ATP8A2: variants seen among roughly 807,000 people sequenced by gnomAD.
The protein encoded by ATP8A2 is ATPase phospholipid transporting 8A2, also known as phospholipid-transporting ATPase IB.
A neutral mutation model predicts 165.6 loss-of-function variants in ATP8A2; 100 were observed. The observed-to-expected ratio is 0.60, with a 90% CI of 0.51 to 0.71. The LOEUF (loss-of-function observed/expected upper bound fraction) is 0.71, where lower values mean the gene tolerates loss of function less well. Ranked by LOEUF, ATP8A2 falls within the 30% of genes least tolerant of loss-of-function variation. The pLI is 0.00. For synonymous variants in ATP8A2, 543 were observed against 548.8 expected, an observed-to-expected ratio of 0.99 and a Z score of 0.15; for missense variants, 1,227 against 1,479.5, an observed-to-expected ratio of 0.83 and a Z score of 2.80.
chr13:25,898,453 AG>A (rs1403692467), intron 33 of ATP8A2, among the ~76,000 whole-genome samples: 4 of 152,194 alleles, frequency 2.6e-5, no homozygotes, highest in Non-Finnish European at 5.9e-5. Context: ...GGTGCCTCCA[AG>A]TTAGGCTACT....
intron 2 of ATP8A2, among the ~76,000 whole-genome samples, chr13:25,506,648 C>T (rs1176912760): frequency 1.3e-5 from 2 of 152,184 alleles, no homozygotes; most frequent in African/African-American, 4.8e-5. Flanking sequence ...TCTGTTTCTC[C>T]TCGTGTGGAA....
At chr13:25,891,206 T>C (rs1270640630) in intron 33 of ATP8A2, among the ~76,000 whole-genome samples, 1 of 152,218 alleles carries the variant, frequency 6.6e-6, no homozygotes, top group Non-Finnish European at 1.5e-5. Context: ...TTTTCTTCAA[T>C]GTGTATTTGA....
At chr13:25,996,692 A>AT (rs890392496) in intron 35 of ATP8A2, among the ~76,000 whole-genome samples, 7 of 150,274 alleles carry the variant, frequency 4.7e-5, no homozygotes, top group African/African-American at 1.2e-4. Context: ...TGCCTGGCTA[A>AT]TTTTTTTTTG....
intron 2 of ATP8A2, among the ~76,000 whole-genome samples, chr13:25,483,681 G>T (rs1459058763): frequency 6.6e-6 from 1 of 152,102 alleles, no homozygotes; most frequent in East Asian, 1.9e-4. Flanking sequence ...CAGGAAGATT[G>T]TTTGAGGCTA....
chr13:25,997,792 T>C (rs527460189), intron 35 of ATP8A2, among the ~76,000 whole-genome samples: 37 of 152,214 alleles, frequency 2.4e-4, no homozygotes, highest in Admixed American at 7.8e-4. Flanking sequence ...TTAAGTCTTA[T>C]ATTTCTTGGC....
chr13:25,460,807 C>T (rs568440768), intron 1 of ATP8A2, among the ~76,000 whole-genome samples: 2 of 152,182 alleles, frequency 1.3e-5, no homozygotes, highest in Non-Finnish European at 2.9e-5. Flanking sequence ...TCTGCACAGC[C>T]AAATCATAAT....
At chr13:25,811,770 A>C (rs1950876550) in intron 27 of ATP8A2, among the ~76,000 whole-genome samples, 1 of 152,218 alleles carries the variant, frequency 6.6e-6, no homozygotes, top group South Asian at 2.1e-4. Flanking sequence ...CTGAAGCAGG[A>C]GGATCACTTG....
chr13:25,579,981 T>G lies in ATP8A2; in HGVS notation c.2007+34T>G, dbSNP rs769726103. ...ACACAATACAGTCTTTTCAGCTCCA[T>G]GAAGGACTTAACCACCTATTTCACA... On this transcript the variant is annotated intron_variant, in intron 22 of 36. Transcript: ENST00000381655. 2.1e-5 allele frequency: 33 copies of G among 1,609,744 alleles called. No individual in the cohort carries two copies. The Admixed American group carries it at 4.5e-4, about 22-fold the overall frequency.
Position 25,468,822 on chromosome 13 carries a change from G to T in ATP8A2, c.77-155G>T, listed in dbSNP as rs1020952946. The T allele has an allele frequency of 9.1e-6, 9 of 984,122 alleles. No homozygotes were observed. The African/African-American group carries it at 1.6e-4, about 17-fold the overall frequency. The allele number at this position is 984,122 out of a possible 1,614,324, so 61.0% of individuals were successfully genotyped here. On this transcript the variant is annotated intron_variant, in intron 1 of 36. Transcript: ENST00000381655. ...TGGCTGCCGCGGCACAGGCGGCGGCGTCTCCAGGGGGAGCCAAGGTACGTA... is the reference window on the plus strand; with the variant it reads ...TGGCTGCCGCGGCACAGGCGGCGGCTTCTCCAGGGGGAGCCAAGGTACGTA...
At chr13:25,707,392 A>T (rs1455758024) in intron 25 of ATP8A2, among the ~76,000 whole-genome samples, 1 of 152,224 alleles carries the variant, frequency 6.6e-6, no homozygotes, top group African/African-American at 2.4e-5. Flanking sequence ...TTCCCCTCTA[A>T]CTAAAAGTTA....
At chr13:26,002,742 C>T (rs1956655925) in intron 35 of ATP8A2, among the ~76,000 whole-genome samples, 1 of 151,942 alleles carries the variant, frequency 6.6e-6, no homozygotes, top group Non-Finnish European at 1.5e-5. Flanking sequence ...TCATGCAGCA[C>T]TTGTCTTACT....
chr13:25,907,987 C>G (rs1193796294), intron 33 of ATP8A2, among the ~76,000 whole-genome samples: 2 of 152,154 alleles, frequency 1.3e-5, no homozygotes, highest in Non-Finnish European at 2.9e-5. Flanking sequence ...ATTGCTTGTT[C>G]ATTTTAAGAC....
chr13:25,951,737 CACT>C (rs1955368781), intron 33 of ATP8A2, among the ~76,000 whole-genome samples: 1 of 152,134 alleles, frequency 6.6e-6, no homozygotes, highest in Non-Finnish European at 1.5e-5. Context: ...AATGAACCAC[CACT>C]AATTTTTGTG....
At chr13:25,927,051 T>G in intron 33 of ATP8A2, 1 of 444,210 alleles carries the variant, frequency 2.3e-6, no homozygotes. Flanking sequence ...TGTGATTGTT[T>G]TGTGTTTGAT....
chr13:25,686,216 G>A (rs2042597924), intron 24 of ATP8A2, among the ~76,000 whole-genome samples: 1 of 152,168 alleles, frequency 6.6e-6, no homozygotes, highest in Non-Finnish European at 1.5e-5. Context: ...ATGCCTGATT[G>A]GACTACTGTT....
chr13:25,966,460 A>T (rs1361751609), intron 34 of ATP8A2, among the ~76,000 whole-genome samples: 1 of 152,178 alleles, frequency 6.6e-6, no homozygotes, highest in African/African-American at 2.4e-5. Flanking sequence ...GCGTTATTAG[A>T]TAAAGGTGCT....
Position 25,842,445 on chromosome 13 carries a change from T to TG in ATP8A2, c.2956+2824dup, listed in dbSNP as rs572995192. On this transcript the variant is annotated intron_variant, in intron 30 of 36. Coordinates refer to ENST00000381655, the MANE Select transcript of ATP8A2 (RefSeq NM_016529.6). ...ATCCCAAAACTTTGGGAGGCAGAGG[T>TG]GGGTGGATCACCTGACATCAGTTCG... Among the ~76,000 whole-genome samples, 18 of 152,042 alleles carry TG rather than the reference T, an allele frequency of 1.2e-4. No homozygotes were observed. In the East Asian group the frequency reaches 3.3e-3, roughly 28 times the overall value.
chr13:25,672,303 G>C (rs916309446), intron 24 of ATP8A2, among the ~76,000 whole-genome samples: 1 of 152,114 alleles, frequency 6.6e-6, no homozygotes, highest in Non-Finnish European at 1.5e-5. Flanking sequence ...ACTTATCCTT[G>C]TAAGGCACCA....
At chr13:25,539,047 CCTT>C (rs1317110078) in intron 7 of ATP8A2, among the ~76,000 whole-genome samples, 1 of 145,948 alleles carries the variant, frequency 6.9e-6, no homozygotes, top group Non-Finnish European at 1.5e-5. Context: ...TTGGCTGTGA[CCTT>C]AGAAAATTTA....
Sources: allele counts gnomAD v4.1 joint callset (sites outside exome capture counted in the v4.1 genomes callset), GRCh38; gene constraint gnomAD v4.1.1; transcripts MANE v1.5; gene names NCBI Gene and HGNC (gene_info 2026-07-23, HGNC 2026-07-21).